The following EXD3 variants were observed in gnomAD, a reference collection of about 807,000 sequenced individuals.
The protein encoded by EXD3 is exonuclease 3'-5' domain containing 3.
In EXD3, 92 loss-of-function variants were observed where a neutral mutation model predicts 98.0. The ratio of observed to expected loss-of-function variants is 0.94; its 90% CI spans 0.79 to 1.12. The LOEUF is 1.12. Ranked by LOEUF, EXD3 falls within the 50% of genes most tolerant of loss-of-function variation. EXD3 has a pLI of 0.00. For missense variants in EXD3, 1,222 were observed against 1,191.6 expected (o/e 1.03, Z -0.38); for synonymous variants, 569 against 526.0 (o/e 1.08, Z -1.12).
At chr9:137,387,988 G>A (rs1254353001) in intron 2 of EXD3, among the ~76,000 whole-genome samples, 1 of 152,224 alleles carries the variant, frequency 6.6e-6, no homozygotes, top group East Asian at 1.9e-4. Context: ...CAGGAGGCTG[G>A]GCCCTGACCC....
In EXD3 at chr9:137,407,202, AGCC is replaced by A. The variant is rs934245856; in HGVS notation, c.-47-11801_-47-11799del. Among the ~76,000 whole-genome samples, 1 of 152,114 alleles carries A rather than the reference AGCC, an allele frequency of 6.6e-6. No individual in the cohort carries two copies. The highest frequency in any genetic ancestry group is 2.4e-5 in the African/African-American group (1 of 41,426). On this transcript the variant is annotated intron_variant, in intron 1 of 21. Coordinates refer to ENST00000340951, the MANE Select transcript of EXD3 (RefSeq NM_017820.5). This position sits in a 1 kb window ranked among gnomAD's most constrained non-coding sequence, Gnocchi z 4.4. ...AACCCGGCAGCGCCTCCTCCGTCTC[AGCC>A]GCGTCGGTCCCAGGCGCCTCCCCTA...
chr9:137,411,243 A>ATC (rs1199216062), intron 1 of EXD3, among the ~76,000 whole-genome samples: 1 of 152,170 alleles, frequency 6.6e-6, no homozygotes, highest in Non-Finnish European at 1.5e-5. Context: ...AGAAAGGCTC[A>ATC]TCTTCACCCC....
chr9:137,355,426 G>A (rs1191270325), intron 8 of EXD3, among the ~76,000 whole-genome samples: 1 of 126,340 alleles, frequency 7.9e-6, no homozygotes, highest in Admixed American at 7.6e-5. Flanking sequence ...GAGGAAGGAG[G>A]AAGGAGGATG....
At chr9:137,386,472 C>T (rs1433241777) in intron 2 of EXD3, among the ~76,000 whole-genome samples, 1 of 151,798 alleles carries the variant, frequency 6.6e-6, no homozygotes, top group Non-Finnish European at 1.5e-5. Flanking sequence ...GCAGGGTCTG[C>T]CCCCTCCCAC....
At position 137,313,651 on chromosome 9, in the gene EXD3, G is replaced by A. The variant is rs527791200; in HGVS notation, c.2185-3951C>T. Reference sequence around the variant, plus strand: ...GGGGGTGTGGCAGGTGGGGTCCGTCGGGCTGGGGCCCTGGCCTGGGTGGAA... The same window carrying A: ...GGGGGTGTGGCAGGTGGGGTCCGTCAGGCTGGGGCCCTGGCCTGGGTGGAA... On this transcript the variant is annotated intron_variant, in intron 19 of 21. Coordinates refer to ENST00000340951, the MANE Select transcript of EXD3 (RefSeq NM_017820.5). Among the ~76,000 whole-genome samples the A allele has an allele frequency of 3.9e-4, 59 of 152,232 alleles. No homozygotes were observed. The East Asian group carries it at 3.9e-3, about 10-fold the overall frequency.
At chr9:137,386,537 C>T (rs535283136) in intron 2 of EXD3, among the ~76,000 whole-genome samples, 1 of 152,210 alleles carries the variant, frequency 6.6e-6, no homozygotes, top group East Asian at 1.9e-4. Flanking sequence ...GCTGTGCCCT[C>T]AGACAACACC....
At chr9:137,318,274 G>GC (rs1394286056) in intron 19 of EXD3, among the ~76,000 whole-genome samples, 1 of 152,094 alleles carries the variant, frequency 6.6e-6, no homozygotes, top group Non-Finnish European at 1.5e-5. Context: ...TCCCTGCCCA[G>GC]CCCCACAGGG....
chr9:137,362,815 T>C (rs760357832), intron 7 of EXD3, among the ~76,000 whole-genome samples: 3 of 152,106 alleles, frequency 2.0e-5, no homozygotes, highest in Non-Finnish European at 2.9e-5. Flanking sequence ...GTTGTTGTTT[T>C]TGTTGTTGTT....
In EXD3 at chr9:137,307,163, G is replaced by C; in HGVS notation, c.2418C>G (p.Ala806=). The C allele has an allele frequency of 6.3e-7, 1 of 1,589,964 alleles. No individual in the cohort carries two copies. The highest frequency in any genetic ancestry group is 8.6e-7 in the Non-Finnish European group (1 of 1,169,544). Residue 806 remains alanine, a synonymous_variant, in exon 22 of 22, where the codon GCC becomes GCG. Transcript: ENST00000340951. ...DLRAETPDML[A]DGTRLQLAGV... ...CTGCCAGCTGCAGCCGGGTGCCGTCGGCCAGCATGTCCGGTGTCTCCGCCC... is the reference window on the plus strand; with the variant it reads ...CTGCCAGCTGCAGCCGGGTGCCGTCCGCCAGCATGTCCGGTGTCTCCGCCC...
intron 7 of EXD3, chr9:137,365,664 ACG>A (rs958997539): frequency 4.8e-5 from 12 of 250,394 alleles, no homozygotes; most frequent in Middle Eastern, 1.6e-3. Flanking sequence ...CACACACCAC[ACG>A]CACACACATG....
intron 20 of EXD3, among the ~76,000 whole-genome samples, chr9:137,308,309 C>T (rs868310786): frequency 1.2e-4 from 18 of 152,280 alleles, no homozygotes; most frequent in Middle Eastern, 6.8e-3. Context: ...CAGCTGCGGC[C>T]GGGGATGAAT....
Position 137,351,503 on chromosome 9 carries a change from A to C in EXD3, c.1199T>G (p.Val400Gly), listed in dbSNP as rs776138692. 6.3e-7 allele frequency: 1 copy of C among 1,594,514 alleles called. No homozygotes were observed. Among genetic ancestry groups the C allele is most frequent in the East Asian group, 2.3e-5 (1 of 43,784 alleles). The change falls in exon 13 of 22, where the codon GTG becomes GGG. Residue 400 changes from valine to glycine, a missense_variant. By Grantham distance (109) the Val-to-Gly change is moderately radical (BLOSUM62 -3). Transcript: ENST00000340951. ...AGCAACAAACACAGGTGTCCACTCC[A>C]CGTCTACACCAACCACTTGGTGGCA... The part of the protein sequence containing the change: ...LQCHQVVGVD[V>G]EWTPVFVAGG...
At chr9:137,404,610 C>T (rs1837631683) in intron 1 of EXD3, among the ~76,000 whole-genome samples, 1 of 152,242 alleles carries the variant, frequency 6.6e-6, no homozygotes, top group African/African-American at 2.4e-5. Flanking sequence ...CCTATAATCC[C>T]AGCACTTTGG....
At chr9:137,368,128 T>G in intron 5 of EXD3, 139 bp from the exon 6 acceptor site, 1 of 705,006 alleles carries the variant, frequency 1.4e-6, no homozygotes, top group Non-Finnish European at 2.4e-6. Flanking sequence ...TTCAGCCACG[T>G]GGCCCTCAGG....
chr9:137,328,485 A>ACTAATATACACTCATATG (rs1336695260), intron 17 of EXD3, among the ~76,000 whole-genome samples: 6 of 151,746 alleles, frequency 4.0e-5, no homozygotes, highest in East Asian at 2.0e-4. Context: ...AGTAAAAACA[A>ACTAATATACACTCATATG]AAGTAAAAAC....
At chr9:137,351,951 CG>C in intron 12 of EXD3, 114 bp downstream of exon 12, 1 of 1,350,614 alleles carries the variant, frequency 7.4e-7, no homozygotes, top group Non-Finnish European at 1.0e-6. Flanking sequence ...GGGCACCTGG[CG>C]GGCTCATGCC....
At chr9:137,370,244 G>A (rs981126106) in intron 5 of EXD3, among the ~76,000 whole-genome samples, 45 of 152,306 alleles carry the variant, frequency 3.0e-4, no homozygotes, top group African/African-American at 4.8e-4. Context: ...TAGAATCAGC[G>A]TCTGGTCATT....
At chr9:137,362,808 G>C (rs1835054177) in intron 7 of EXD3, among the ~76,000 whole-genome samples, 1 of 151,994 alleles carries the variant, frequency 6.6e-6, no homozygotes, top group Non-Finnish European at 1.5e-5. Flanking sequence ...CTTTGTTGTT[G>C]TTGTTTTTGT....
chr9:137,415,530 GTGT>G (rs1446543051), intron 1 of EXD3, among the ~76,000 whole-genome samples: 1 of 152,180 alleles, frequency 6.6e-6, no homozygotes, highest in Non-Finnish European at 1.5e-5. Flanking sequence ...CCTGTTCACC[GTGT>G]TGGTTTTAGC....
Sources: allele counts gnomAD v4.1 joint callset (sites outside exome capture counted in the v4.1 genomes callset), GRCh38; gene constraint gnomAD v4.1.1; non-coding constraint Gnocchi (gnomAD v3.1); transcripts MANE v1.5; gene names NCBI Gene and HGNC (gene_info 2026-07-23, HGNC 2026-07-21).